The following ABTB3 variants were observed in gnomAD, a reference collection of about 807,000 sequenced individuals.
ABTB3 encodes ankyrin repeat and BTB domain containing 3, also known as ankyrin repeat- and BTB/POZ domain-containing protein 3.
the ABTB3 span, among the ~76,000 whole-genome samples, chr12:107,511,929 A>G: frequency 6.6e-6 from 1 of 152,168 alleles, no homozygotes; most frequent in Non-Finnish European, 1.5e-5. Context: ...AAGCCTCATC[A>G]ACAAAGCTTT....
chr12:107,345,147 T>C, the ABTB3 span, among the ~76,000 whole-genome samples: 1 of 152,152 alleles, frequency 6.6e-6, no homozygotes, highest in African/African-American at 2.4e-5. Flanking sequence ...CTGAAAGTGT[T>C]CTCTTTTCAG....
chr12:107,627,798 GA>G, the ABTB3 span, among the ~76,000 whole-genome samples: 1 of 152,110 alleles, frequency 6.6e-6, no homozygotes, highest in African/African-American at 2.4e-5. Context: ...TCCAGACCTG[GA>G]AAAAGTACTA....
the ABTB3 span, among the ~76,000 whole-genome samples, chr12:107,622,140 G>A: frequency 6.6e-6 from 1 of 152,160 alleles, no homozygotes; most frequent in African/African-American, 2.4e-5. Flanking sequence ...AGTGAAGTGT[G>A]TTTTGCTTTT....
chr12:107,531,923 C>T, the ABTB3 span, among the ~76,000 whole-genome samples: 16,417 of 152,166 alleles, frequency 0.11, 952 homozygotes, highest in African/African-American at 0.14. Context: ...GCAATGCAGC[C>T]ACATCCTCAG....
the ABTB3 span, among the ~76,000 whole-genome samples, chr12:107,599,729 C>T: frequency 6.6e-6 from 1 of 152,108 alleles, no homozygotes; most frequent in African/African-American, 2.4e-5. Flanking sequence ...ATTACCGCAC[C>T]TAATCCAGTG....
chr12:107,625,310 T>C, the ABTB3 span, among the ~76,000 whole-genome samples: 2 of 152,242 alleles, frequency 1.3e-5, no homozygotes, highest in African/African-American at 4.8e-5. Context: ...ATCTTGATGC[T>C]GGCATTGATT....
chr12:107,425,130 G>A, the ABTB3 span, among the ~76,000 whole-genome samples: 3 of 152,072 alleles, frequency 2.0e-5, no homozygotes, highest in African/African-American at 4.8e-5. Context: ...CTGCCTTCCC[G>A]GCTTTATCTC....
At chr12:107,340,436 G>A in the ABTB3 span, among the ~76,000 whole-genome samples, 1 of 152,170 alleles carries the variant, frequency 6.6e-6, no homozygotes, top group Non-Finnish European at 1.5e-5. Context: ...ATAGAATCTA[G>A]TACAAAATTT....
chr12:107,321,625 A>C, the ABTB3 span, among the ~76,000 whole-genome samples: 5 of 54,990 alleles, frequency 9.1e-5, no homozygotes, highest in Admixed American at 4.7e-4. Context: ...ACACACACAC[A>C]CACACATCCT....
At chr12:107,476,213 T>C in the ABTB3 span, among the ~76,000 whole-genome samples, 1 of 152,166 alleles carries the variant, frequency 6.6e-6, no homozygotes, top group Admixed American at 6.5e-5. Context: ...CTGATGAGGC[T>C]TCCTGGGGCA....
chr12:107,417,919 T>C, the ABTB3 span, among the ~76,000 whole-genome samples: 2 of 152,222 alleles, frequency 1.3e-5, no homozygotes, highest in African/African-American at 2.4e-5. Context: ...GCCCCACCAG[T>C]AGGGAGAAGT....
chr12:107,445,267 A>C, the ABTB3 span, among the ~76,000 whole-genome samples: 13 of 152,350 alleles, frequency 8.5e-5, no homozygotes, highest in Admixed American at 1.3e-4. Flanking sequence ...GAATTCAAGG[A>C]TATAAATAAG....
chr12:107,459,604 T>C, the ABTB3 span, among the ~76,000 whole-genome samples: 1 of 152,198 alleles, frequency 6.6e-6, no homozygotes, highest in African/African-American at 2.4e-5. Flanking sequence ...AGGAAGTGCC[T>C]AGTGCCCTTC....
At chr12:107,595,825 T>C in the ABTB3 span, among the ~76,000 whole-genome samples, 3 of 152,310 alleles carry the variant, frequency 2.0e-5, no homozygotes, top group Non-Finnish European at 2.9e-5. Flanking sequence ...AGATCAAGTA[T>C]GTGAATGAGT....
At chr12:107,362,830 G>A in the ABTB3 span, among the ~76,000 whole-genome samples, 1 of 151,764 alleles carries the variant, frequency 6.6e-6, no homozygotes, top group Non-Finnish European at 1.5e-5. Context: ...TGAGCACTAC[G>A]CTAGACATTT....
the ABTB3 span, among the ~76,000 whole-genome samples, chr12:107,405,212 G>A: frequency 6.6e-6 from 1 of 152,182 alleles, no homozygotes; most frequent in Non-Finnish European, 1.5e-5. Flanking sequence ...CACTGTGAAG[G>A]CTATGTGAAT....
the ABTB3 span, chr12:107,320,069 G>A: frequency 1.3e-6 from 2 of 1,490,394 alleles, no homozygotes; most frequent in South Asian, 2.7e-5. Flanking sequence ...CGGGAAGAAC[G>A]CCAGCGGTAA....
At chr12:107,479,840 T>G in the ABTB3 span, among the ~76,000 whole-genome samples, 1 of 152,178 alleles carries the variant, frequency 6.6e-6, no homozygotes, top group East Asian at 1.9e-4. Flanking sequence ...AATTCTTTGA[T>G]GTAGGCACTA....
chr12:107,517,327 C>G, the ABTB3 span, among the ~76,000 whole-genome samples: 2 of 152,240 alleles, frequency 1.3e-5, no homozygotes, highest in East Asian at 3.9e-4. Context: ...GTTCTTTTGG[C>G]TTAGGATTGA....
Sources: gnomAD v4.1 joint callset for allele counts (sites outside exome capture counted in the v4.1 genomes callset) on GRCh38, gnomAD v4.1.1 for gene constraint, MANE v1.5 for transcripts, NCBI Gene and HGNC (gene_info 2026-07-23, HGNC 2026-07-21) for gene names.